PPARGC1B: variants seen among roughly 807,000 people sequenced by gnomAD.
PPARGC1B encodes the protein peroxisome proliferator-activated receptor gamma coactivator 1-beta.
PPARGC1B carries 34 observed loss-of-function variants against 101.6 expected under a neutral mutation model. That is an observed-to-expected ratio of 0.33 (90% CI 0.25 to 0.45). The LOEUF is 0.45. PPARGC1B is among the 20% of genes least tolerant of loss of function. The probability of loss-of-function intolerance (pLI) is 1.00; values close to 1 mark genes in which losing one functional copy is unlikely to be tolerated. For missense variants in PPARGC1B, 1,234 were observed against 1,317.6 expected (o/e 0.94, Z 0.98); for synonymous variants, 548 against 539.3 (o/e 1.02, Z -0.22).
rs573591968 is a variant in PPARGC1B, at chr5:149,744,611, G to A, written c.78+14191G>A. On this transcript the variant is annotated intron_variant, in intron 1 of 11. Transcript: ENST00000309241. Reference sequence around the variant, plus strand: ...AAAATAGGAAGTCTATCAAAAGCAGGCAAAAGTTTTGGCATTCCAAGTTAT... The same window carrying A: ...AAAATAGGAAGTCTATCAAAAGCAGACAAAAGTTTTGGCATTCCAAGTTAT... 2.0e-5 allele frequency among the ~76,000 whole-genome samples: 3 copies of A among 152,204 alleles called. No individual in the cohort carries two copies. The South Asian group carries it at 6.2e-4, about 32-fold the overall frequency.
At chr5:149,802,052 G>A (rs1442179990) in intron 1 of PPARGC1B, among the ~76,000 whole-genome samples, 2 of 152,184 alleles carry the variant, frequency 1.3e-5, no homozygotes, top group Non-Finnish European at 2.9e-5. Flanking sequence ...GCACCGCCCC[G>A]TCCCTGACCC....
At chr5:149,786,362 C>G (rs989995041) in intron 1 of PPARGC1B, among the ~76,000 whole-genome samples, 6 of 152,146 alleles carry the variant, frequency 3.9e-5, no homozygotes, top group African/African-American at 1.4e-4. Flanking sequence ...TCCCAAAGTG[C>G]TGGGATTACA....
At chr5:149,738,253 T>A (rs1364256848) in intron 1 of PPARGC1B, among the ~76,000 whole-genome samples, 2 of 151,280 alleles carry the variant, frequency 1.3e-5, no homozygotes, top group African/African-American at 4.9e-5. Flanking sequence ...TCAGTCCTCA[T>A]TGAATGATTA....
rs766900574 is a variant in PPARGC1B at position 149,826,786 on chromosome 5, A to G, written c.366A>G (p.Leu122=). 4.3e-6 allele frequency: 7 copies of G among 1,613,836 alleles called. No individual in the cohort carries two copies. Among genetic ancestry groups the G allele is most frequent in the African/African-American group, 4.0e-5 (3 of 74,894 alleles). Residue 122 remains leucine, a synonymous_variant, in exon 3 of 12, where the codon CTA becomes CTG. Coordinates refer to ENST00000309241, the MANE Select transcript of PPARGC1B (RefSeq NM_133263.4). ...CAGCCCTGGATGGTGGAGACGCTCTATCATGCACCTCAGCTTCGCCTGCCC... is the reference window on the plus strand; with the variant it reads ...CAGCCCTGGATGGTGGAGACGCTCTGTCATGCACCTCAGCTTCGCCTGCCC... ...AFPALDGGDA[L]SCTSASPAPS...
At chr5:149,756,471 A>C (rs939954107) in intron 1 of PPARGC1B, among the ~76,000 whole-genome samples, 6 of 152,166 alleles carry the variant, frequency 3.9e-5, no homozygotes, top group African/African-American at 1.2e-4. Flanking sequence ...AACAAAAAAC[A>C]AAAAACCAAA....
chr5:149,848,947 CTT>C lies in PPARGC1B; in HGVS notation c.*1391_*1392del, dbSNP rs1364431954. 1.3e-5 allele frequency: 2 copies of C among 152,208 alleles called. No individual in the cohort carries two copies. The highest frequency in any genetic ancestry group is 6.5e-5 in the Admixed American group (1 of 15,280). 9.4% of individuals were successfully genotyped at this position (152,208 alleles called of 1,614,324 possible). ...CACTCCAATTGGGCTTTGCTTTAAACTTTGTGTTCTTAAGTGATGTCAAAGCC... is the reference window on the plus strand; with the variant it reads ...CACTCCAATTGGGCTTTGCTTTAAACTGTGTTCTTAAGTGATGTCAAAGCC... On this transcript the variant is annotated 3_prime_UTR_variant, in exon 12 of 12. Coordinates refer to ENST00000309241, the MANE Select transcript of PPARGC1B (RefSeq NM_133263.4).
At chr5:149,839,384 A>G (rs1435088500) in intron 8 of PPARGC1B, among the ~76,000 whole-genome samples, 3 of 152,190 alleles carry the variant, frequency 2.0e-5, no homozygotes, top group African/African-American at 7.2e-5. Context: ...TGTATTTGTC[A>G]GTGACTCAGA....
intron 1 of PPARGC1B, among the ~76,000 whole-genome samples, chr5:149,810,733 C>G (rs1757821126): frequency 6.6e-6 from 1 of 152,172 alleles, no homozygotes; most frequent in Non-Finnish European, 1.5e-5. Context: ...CTGGACAGGT[C>G]ACACGGGAGA....
chr5:149,794,806 A>G (rs1757150454), intron 1 of PPARGC1B, among the ~76,000 whole-genome samples: 1 of 152,220 alleles, frequency 6.6e-6, no homozygotes, highest in South Asian at 2.1e-4. Context: ...CCCGCTGCTG[A>G]TGAAGCGTTG....
chr5:149,745,442 C>T (rs1045667866), intron 1 of PPARGC1B, among the ~76,000 whole-genome samples: 3 of 152,128 alleles, frequency 2.0e-5, no homozygotes, highest in Non-Finnish European at 4.4e-5. Context: ...GGCCCTTAAG[C>T]TTCTCTGTCT....
intron 1 of PPARGC1B, among the ~76,000 whole-genome samples, chr5:149,744,535 T>C (rs1265000255): frequency 2.0e-5 from 3 of 152,202 alleles, no homozygotes; most frequent in African/African-American, 7.2e-5. Context: ...TTCTGTTCAG[T>C]GTTCTCCGAG....
At position 149,833,291 on chromosome 5, in the gene PPARGC1B, A is replaced by G; in HGVS notation, c.1218A>G (p.Arg406=). 1 of 1,613,386 alleles carries G rather than the reference A, an allele frequency of 6.2e-7. No homozygotes were observed. Among genetic ancestry groups the G allele is most frequent in the South Asian group, 1.1e-5 (1 of 91,076 alleles). Residue 406 remains arginine, a synonymous_variant, in exon 5 of 12, where the codon AGA becomes AGG. Transcript: ENST00000309241. This position sits in a 1 kb window ranked among gnomAD's most constrained non-coding sequence, Gnocchi z 4.1. Reference sequence around the variant, plus strand: ...CTTCACCCAAGAGCACCGGGCCCAGACCAAGCCTGCGCCCACTGCGGCTGG... The same window carrying G: ...CTTCACCCAAGAGCACCGGGCCCAGGCCAAGCCTGCGCCCACTGCGGCTGG... ...IAASPKSTGP[R]PSLRPLRLEV...
chr5:149,768,054 T>C (rs1755983106), intron 1 of PPARGC1B, among the ~76,000 whole-genome samples: 1 of 151,920 alleles, frequency 6.6e-6, no homozygotes, highest in African/African-American at 2.4e-5. Context: ...AGTGGGTTGC[T>C]TATGTCCAGT....
At chr5:149,781,162 G>C (rs1413606270) in intron 1 of PPARGC1B, among the ~76,000 whole-genome samples, 1 of 149,696 alleles carries the variant, frequency 6.7e-6, no homozygotes, top group Non-Finnish European at 1.5e-5. Flanking sequence ...CCGAGATTGT[G>C]CCACTGCACT....
chr5:149,834,066 T>C (rs1245859397), intron 5 of PPARGC1B, among the ~76,000 whole-genome samples: 1 of 152,180 alleles, frequency 6.6e-6, no homozygotes, highest in African/African-American at 2.4e-5. Flanking sequence ...GGAGGATAAT[T>C]ACAAAATTGC....
intron 1 of PPARGC1B, among the ~76,000 whole-genome samples, chr5:149,783,091 A>AAG (rs56799682): frequency 2.1e-4 from 31 of 149,868 alleles, no homozygotes; most frequent in Admixed American, 1.1e-3. Context: ...ATGAGAGATA[A>AAG]AGAGAGAGAG....
intron 1 of PPARGC1B, among the ~76,000 whole-genome samples, chr5:149,794,058 A>C (rs1757117724): frequency 6.6e-6 from 1 of 152,232 alleles, no homozygotes; most frequent in African/African-American, 2.4e-5. Flanking sequence ...TTGAGAAGTC[A>C]TAGCAGAAAT....
rs1391117882 is a variant in PPARGC1B, at chr5:149,832,778, A to G, written c.705A>G (p.Pro235=). The G allele has an allele frequency of 6.2e-7, 1 of 1,612,932 alleles. No homozygotes were observed. Among genetic ancestry groups the G allele is most frequent in the Admixed American group, 1.7e-5 (1 of 59,952 alleles). The stretch of plus-strand genomic sequence containing the variant: ...TGCAGGATCGGGGTCTGCAGCCACC[A>G]TGCCTCCAGAGTCCCCGGCTCCCTG... ...CCLQDRGLQP[P]CLQSPRLPAK... is the part of the protein sequence containing the mutation. The change falls in exon 5 of 12, where the codon CCA becomes CCG. Residue 235 remains proline, a synonymous_variant. Coordinates refer to ENST00000309241, the MANE Select transcript of PPARGC1B (RefSeq NM_133263.4). This position sits in a 1 kb window ranked among gnomAD's most constrained non-coding sequence, Gnocchi z 4.9.
intron 1 of PPARGC1B, among the ~76,000 whole-genome samples, chr5:149,818,471 G>T (rs903760934): frequency 3.3e-5 from 5 of 152,188 alleles, no homozygotes; most frequent in Non-Finnish European, 7.3e-5. Context: ...GGGACCGGCC[G>T]CTTGAGAGGA....
Sources: allele counts gnomAD v4.1 joint callset (sites outside exome capture counted in the v4.1 genomes callset), GRCh38; gene constraint gnomAD v4.1.1; non-coding constraint Gnocchi (gnomAD v3.1); transcripts MANE v1.5; gene names NCBI Gene and HGNC (gene_info 2026-07-23, HGNC 2026-07-21).